LTBP2: variants seen among roughly 807,000 people sequenced by gnomAD.
LTBP2 encodes latent-transforming growth factor beta-binding protein 2.
Under a neutral mutation model 210.6 loss-of-function variants are expected in LTBP2, and 103 were observed. The observed-to-expected ratio is 0.49, with a 90% confidence interval of 0.42 to 0.58. LTBP2 has a LOEUF of 0.58. Among genes scored for constraint, LTBP2 ranks in the 20% least tolerant of loss-of-function variants. LTBP2 has a pLI of 0.00. For synonymous variants in LTBP2, 1,007 were observed against 1,015.0 expected (o/e 0.99, Z 0.15); for missense variants, 2,313 against 2,494.5 (o/e 0.93, Z 1.55).
intron 3 of LTBP2, among the ~76,000 whole-genome samples, chr14:74,564,159 A>T (rs1405133011): frequency 4.7e-5 from 2 of 42,162 alleles, no homozygotes; most frequent in Non-Finnish European, 8.3e-5. Flanking sequence ...ATTTATATAT[A>T]TATTTATATA....
Position 74,586,432 on chromosome 14 carries a change from A to C in LTBP2, c.566-314T>G, listed in dbSNP as rs2088206270. Among the ~76,000 whole-genome samples, 1 of 152,096 alleles carries C rather than the reference A, an allele frequency of 6.6e-6. No homozygotes were observed. Among genetic ancestry groups the C allele is most frequent in the Non-Finnish European group, 1.5e-5 (1 of 68,002 alleles). ...CTGCCTGACACTGTGTCTATACTGAAATGTTCACTCCCACCAGACTGGAAG... is the reference window on the plus strand; with the variant it reads ...CTGCCTGACACTGTGTCTATACTGACATGTTCACTCCCACCAGACTGGAAG... On this transcript the variant is annotated intron_variant, in intron 2 of 35. Transcript: ENST00000261978. The surrounding 1 kb of genome is among the most constrained non-coding windows in gnomAD (Gnocchi z 4.6).
At position 74,551,185 on chromosome 14, in the gene LTBP2, C is replaced by T. The variant is rs377459178; in HGVS notation, c.1565G>A (p.Ser522Asn). 6 of 1,613,832 alleles carry T rather than the reference C, an allele frequency of 3.7e-6. No individual in the cohort carries two copies. The East Asian group carries it at 8.9e-5, about 24-fold the overall frequency. Residue 522 changes from serine (S) to asparagine (N), a missense_variant, in exon 7 of 36, where the codon AGC becomes AAC. Coordinates refer to ENST00000261978, the MANE Select transcript of LTBP2 (RefSeq NM_000428.3). ...PPWLPASPGH[S>N]LWDSNNIPAR... ...AGGGATGTTGTTGCTGTCCCAGAGG[C>T]TGTGGCCAGGGCTGGCAGGCAGCCA...
At position 74,499,531 on chromosome 14, in the gene LTBP2, T is replaced by C. The variant is rs1299014494; in HGVS notation, c.*1353A>G. 1 of 229,238 alleles carries C rather than the reference T, an allele frequency of 4.4e-6. No homozygotes were observed. Among genetic ancestry groups the C allele is most frequent in the Non-Finnish European group, 8.7e-6 (1 of 115,484 alleles). The allele number at this position is 229,238 out of a possible 1,614,324, so 14.2% of individuals were successfully genotyped here. On this transcript the variant is annotated 3_prime_UTR_variant, in exon 36 of 36. Transcript: ENST00000261978. Reference sequence around the variant, plus strand: ...AAGAAAGTAGCATTCACTTCCATGCTCCAGTCACATGGAGCCTTGTTCATT... The same window carrying C: ...AAGAAAGTAGCATTCACTTCCATGCCCCAGTCACATGGAGCCTTGTTCATT...
At chr14:74,563,714 G>T (rs1204818299) in intron 3 of LTBP2, among the ~76,000 whole-genome samples, 1 of 151,972 alleles carries the variant, frequency 6.6e-6, no homozygotes, top group Non-Finnish European at 1.5e-5. Flanking sequence ...CTGGAACACA[G>T]CTGCCCTCCT....
Position 74,611,659 on chromosome 14 carries a change from TG to T in LTBP2, c.285del (p.Arg96GlyfsTer184). 1 of 1,558,566 alleles carries T rather than the reference TG, an allele frequency of 6.4e-7. No homozygotes were observed. ...CTGGCCTCCGCCTCGGTGGGCCTCC[TG>T]GGGCTCCCCCAGCCCGGCTGGGCCC... The part of the protein sequence containing the change: ...VERAQPGWGS[P>X]RRPTEAEARR... On this transcript the variant is annotated frameshift_variant, in exon 1 of 36. Coordinates refer to ENST00000261978, the MANE Select transcript of LTBP2 (RefSeq NM_000428.3). LOFTEE classifies it high-confidence loss of function.
rs200362889 is a variant in LTBP2, at chr14:74,506,728, C to T, written c.4003G>A (p.Glu1335Lys). The T allele has an allele frequency of 1.3e-5, 21 of 1,613,874 alleles. No individual in the cohort carries two copies. Among genetic ancestry groups the T allele is most frequent in the East Asian group, 4.5e-5 (2 of 44,874 alleles). The change falls in exon 27 of 36, where the codon GAG becomes AAG. Residue 1335 changes from glutamate to lysine, a missense_variant. Glu to Lys is a moderately conservative substitution (Grantham distance 56). Transcript: ENST00000261978. ...CAGTCCCAGCCTGAGGGAGAGATCT[C>T]GAAGCCCTGGTCACAGAGGCAGCGG... The part of the protein sequence containing the change: ...SFRCLCDQGF[E>K]ISPSGWDCVD...
At chr14:74,543,046 C>T (rs1400122776) in intron 8 of LTBP2, among the ~76,000 whole-genome samples, 2 of 151,814 alleles carry the variant, frequency 1.3e-5, no homozygotes, top group African/African-American at 2.4e-5. Context: ...GGATTACAGG[C>T]GTGAGCCACC....
At chr14:74,591,569 T>C (rs775144171) in intron 2 of LTBP2, among the ~76,000 whole-genome samples, 13 of 152,246 alleles carry the variant, frequency 8.5e-5, no homozygotes, top group Non-Finnish European at 1.6e-4. Context: ...CCGGCTTCAC[T>C]CGCATCCTCT....
Position 74,586,513 on chromosome 14 carries a change from G to A in LTBP2, c.566-395C>T, listed in dbSNP as rs2070692822. On this transcript the variant is annotated intron_variant, in intron 2 of 35. Transcript: ENST00000261978. This position sits in a 1 kb window ranked among gnomAD's most constrained non-coding sequence, Gnocchi z 4.6. ...TTTGACTAGGGATTGCCACAGAGTA[G>A]ATTCTCAGTAAACATGGAGCGAATG... Among the ~76,000 whole-genome samples, 1 of 152,220 alleles carries A rather than the reference G, an allele frequency of 6.6e-6. No homozygotes were observed. The highest frequency in any genetic ancestry group is 2.4e-5 in the African/African-American group (1 of 41,454).
At chr14:74,576,223 G>A (rs1399311463) in intron 3 of LTBP2, among the ~76,000 whole-genome samples, 1 of 152,220 alleles carries the variant, frequency 6.6e-6, no homozygotes, top group Non-Finnish European at 1.5e-5. Flanking sequence ...CCGAGCATCA[G>A]CTCAGAAGGA....
intron 3 of LTBP2, among the ~76,000 whole-genome samples, chr14:74,566,401 C>T (rs536957771): frequency 6.0e-4 from 91 of 152,350 alleles, no homozygotes; most frequent in African/African-American, 2.1e-3. Context: ...TCTCTGCTGC[C>T]GGCCAAAGCG....
intron 8 of LTBP2, 88 bp from the exon 9 acceptor site, chr14:74,536,088 T>C: frequency 2.6e-6 from 3 of 1,142,806 alleles, no homozygotes; most frequent in Non-Finnish European, 3.9e-6. Context: ...AGTCTGGATG[T>C]CCAGCCCACC....
chr14:74,580,139 G>T (rs1175012630), intron 3 of LTBP2, among the ~76,000 whole-genome samples: 2 of 152,174 alleles, frequency 1.3e-5, no homozygotes, highest in Admixed American at 1.3e-4. Context: ...GTGGGAGGTG[G>T]GGAGGATGTG....
rs1566640307 is a variant in LTBP2 at position 74,564,023 on chromosome 14, C to CTATATATATATTTATATATATATATT, written c.831-8356_831-8331dup. Among the ~76,000 whole-genome samples the CTATATATATATTTATATATATATATT allele has an allele frequency of 8.3e-5, 4 of 48,194 alleles. 1 individual carries two copies. Among genetic ancestry groups the CTATATATATATTTATATATATATATT allele is most frequent in the African/African-American group, 1.6e-4 (2 of 12,744 alleles). 31.6% of individuals were successfully genotyped at this position (48,194 alleles called of 152,430 possible). On this transcript the variant is annotated intron_variant, in intron 3 of 35. Coordinates refer to ENST00000261978, the MANE Select transcript of LTBP2 (RefSeq NM_000428.3). ...TGGGTGGGTAGGGAATAAACTGGTGCTATATATATATTTATATATATATAT... is the reference window on the plus strand; with the variant it reads ...TGGGTGGGTAGGGAATAAACTGGTGCTATATATATATTTATATATATATATTTATATATATATTTATATATATATAT...
At chr14:74,580,596 T>G (rs568931174) in intron 3 of LTBP2, among the ~76,000 whole-genome samples, 22 of 152,308 alleles carry the variant, frequency 1.4e-4, no homozygotes, top group African/African-American at 5.3e-4. Flanking sequence ...ATTTTTGGAC[T>G]TCCAGCTCCT....
At chr14:74,564,572 T>G (rs2087878025) in intron 3 of LTBP2, among the ~76,000 whole-genome samples, 1 of 148,762 alleles carries the variant, frequency 6.7e-6, no homozygotes, top group South Asian at 2.1e-4. Context: ...TTTTTTTTTG[T>G]TTTTGTTTCA....
At chr14:74,509,129 G>T in intron 22 of LTBP2, 109 bp downstream of exon 22, 1 of 1,582,368 alleles carries the variant, frequency 6.3e-7, no homozygotes, top group African/African-American at 1.3e-5. Context: ...TGGGGAGCGG[G>T]ATGATGGCAG....
rs1205025695 is a variant in LTBP2, at chr14:74,511,449, C to G, written c.2909-85G>C. 3.8e-6 allele frequency: 6 copies of G among 1,569,428 alleles called. No homozygotes were observed. In the African/African-American group the frequency reaches 8.1e-5, roughly 21 times the overall value. On this transcript the variant is annotated intron_variant, in intron 18 of 35. Transcript: ENST00000261978. ...GTGACACAGCAAATCCTTGTCCCTG[C>G]CTTTGGTTGGGGAGAGGGATGGACA...
intron 27 of LTBP2, 81 bp from the exon 28 acceptor site, chr14:74,506,272 A>T: frequency 3.2e-6 from 5 of 1,587,166 alleles, no homozygotes; most frequent in Non-Finnish European, 4.3e-6. Flanking sequence ...CACTGCCCCC[A>T]AAAGAAGCAG....
Sources: gnomAD v4.1 joint callset for allele counts (sites outside exome capture counted in the v4.1 genomes callset) on GRCh38, gnomAD v4.1.1 for gene constraint, Gnocchi (gnomAD v3.1) non-coding constraint, MANE v1.5 for transcripts, NCBI Gene and HGNC (gene_info 2026-07-23, HGNC 2026-07-21) for gene names.